MSH4: variants seen among roughly 807,000 people sequenced by gnomAD.
MSH4 encodes the protein mutS homolog 4, also known as mutS protein homolog 4.
Under a neutral mutation model 113.7 loss-of-function variants are expected in MSH4, and 106 were observed. That is an observed-to-expected ratio of 0.93 (90% CI 0.80 to 1.10). The LOEUF is 1.10. MSH4 is among the 50% of genes least tolerant of loss of function. MSH4 has a pLI of 0.00. For missense variants in MSH4, 1,061 were observed against 1,093.7 expected (o/e 0.97, Z 0.42); for synonymous variants, 368 against 380.2 (o/e 0.97, Z 0.37).
chr1:75,905,157 T>A (rs576541386), intron 19 of MSH4, among the ~76,000 whole-genome samples: 132 of 151,900 alleles, frequency 8.7e-4, no homozygotes, highest in African/African-American at 3.0e-3. Context: ...TGTTTTTTTT[T>A]AAATGTTTCT....
chr1:75,797,659 C>T (rs1001312310), intron 1 of MSH4, among the ~76,000 whole-genome samples: 10 of 152,104 alleles, frequency 6.6e-5, no homozygotes, highest in African/African-American at 1.9e-4. Flanking sequence ...GTGGGCTGGG[C>T]GGTGGCTGAC....
chr1:75,858,160 T>G (rs1323429144), intron 8 of MSH4, among the ~76,000 whole-genome samples: 1 of 152,222 alleles, frequency 6.6e-6, no homozygotes. Flanking sequence ...TTAAGAAGAT[T>G]TTGAGCTGAG....
chr1:75,837,245 G>A (rs976807431), intron 7 of MSH4, among the ~76,000 whole-genome samples: 2 of 152,158 alleles, frequency 1.3e-5, no homozygotes, highest in Admixed American at 1.3e-4. Context: ...ACCGGACACT[G>A]AATCTGCCCA....
intron 3 of MSH4, 116 bp downstream of exon 3, chr1:75,807,257 G>T: frequency 1.4e-6 from 1 of 729,158 alleles, no homozygotes; most frequent in Non-Finnish European, 2.0e-6. Context: ...TCATTATTAT[G>T]TCAATGTAAA....
At chr1:75,811,871 C>T (rs982309790) in intron 4 of MSH4, among the ~76,000 whole-genome samples, 7 of 152,214 alleles carry the variant, frequency 4.6e-5, no homozygotes, top group African/African-American at 1.7e-4. Context: ...CATCTGCAGT[C>T]ATATAAGATT....
intron 19 of MSH4, among the ~76,000 whole-genome samples, chr1:75,905,470 T>C (rs1293454004): frequency 6.6e-6 from 1 of 152,132 alleles, no homozygotes; most frequent in East Asian, 1.9e-4. Context: ...GCCTAATGTA[T>C]TGTTTATCCT....
chr1:75,797,584 A>G (rs942810275), intron 1 of MSH4, among the ~76,000 whole-genome samples: 26 of 152,358 alleles, frequency 1.7e-4, no homozygotes, highest in African/African-American at 6.3e-4. Context: ...CTAAGGTGGG[A>G]TAAAATAGAT....
intron 2 of MSH4, among the ~76,000 whole-genome samples, chr1:75,805,693 A>T (rs937744681): frequency 1.3e-5 from 2 of 151,952 alleles, no homozygotes; most frequent in African/African-American, 4.8e-5. Flanking sequence ...GGCCAAAATT[A>T]CCAGTTTTTA....
chr1:75,907,689 CATATATATATATA>C (rs1652694766), intron 19 of MSH4, among the ~76,000 whole-genome samples: 5 of 78,622 alleles, frequency 6.4e-5, no homozygotes, highest in Admixed American at 6.1e-4. Context: ...TCTCTCTATA[CATATATATATATA>C]TATATATATA....
chr1:75,866,529 T>C (rs1271435832), intron 8 of MSH4, among the ~76,000 whole-genome samples: 1 of 152,222 alleles, frequency 6.6e-6, no homozygotes, highest in Non-Finnish European at 1.5e-5. Context: ...TATTTATTTT[T>C]AATCTTCCAG....
chr1:75,832,585 C>T (rs1162384414), intron 7 of MSH4, among the ~76,000 whole-genome samples: 1 of 152,174 alleles, frequency 6.6e-6, no homozygotes, highest in Non-Finnish European at 1.5e-5. Context: ...AGCTTATCCA[C>T]CACGATCAAG....
chr1:75,858,456 T>C (rs1189283770), intron 8 of MSH4, among the ~76,000 whole-genome samples: 1 of 152,208 alleles, frequency 6.6e-6, no homozygotes, highest in Non-Finnish European at 1.5e-5. Flanking sequence ...ACCCACTTTA[T>C]TGAGAGTTTT....
intron 7 of MSH4, among the ~76,000 whole-genome samples, chr1:75,833,418 A>C (rs932301528): frequency 1.3e-5 from 2 of 152,240 alleles, no homozygotes; most frequent in African/African-American, 4.8e-5. Context: ...CTTTCTTCAC[A>C]GAATTGGAAA....
At chr1:75,799,431 T>C (rs1649889441) in intron 1 of MSH4, among the ~76,000 whole-genome samples, 2 of 152,192 alleles carry the variant, frequency 1.3e-5, no homozygotes, top group Admixed American at 6.5e-5. Flanking sequence ...CAAATACACA[T>C]TTAAGAAATA....
rs757262974 is a variant in MSH4, at chr1:75,876,960, C to T, written c.1330C>T (p.Pro444Ser). 2.8e-5 allele frequency: 44 copies of T among 1,562,276 alleles called. No individual in the cohort carries two copies. The East Asian group carries it at 9.4e-4, about 33-fold the overall frequency. The change falls in exon 10 of 20, where the codon CCT becomes TCT. Residue 444 changes from proline to serine, a missense_variant. Coordinates refer to ENST00000263187, the MANE Select transcript of MSH4 (RefSeq NM_002440.4). ...GATTGCTATGAAGAACTGTAACACA[C>T]CTTTATTAAGAGCTTACTATGGTTC... ...LKIAMKNCNT[P>S]LLRAYYGSLE...
At chr1:75,874,812 T>C (rs116244830) in intron 9 of MSH4, among the ~76,000 whole-genome samples, 30 of 152,310 alleles carry the variant, frequency 2.0e-4, no homozygotes, top group African/African-American at 7.0e-4. Context: ...GAAAAAATTA[T>C]GTCTGACATC....
chr1:75,810,395 G>C (rs570512162), intron 3 of MSH4, among the ~76,000 whole-genome samples: 1 of 147,480 alleles, frequency 6.8e-6, no homozygotes, highest in Non-Finnish European at 1.5e-5. Context: ...GCACCACCAT[G>C]CTCGGGTAAT....
chr1:75,903,878 T>C (rs1652562950), intron 19 of MSH4, among the ~76,000 whole-genome samples: 1 of 152,142 alleles, frequency 6.6e-6, no homozygotes, highest in South Asian at 2.1e-4. Flanking sequence ...GCTTAATTGC[T>C]CTGGCTAGGA....
At chr1:75,811,106 A>G (rs1650181622) in intron 4 of MSH4, among the ~76,000 whole-genome samples, 1 of 152,134 alleles carries the variant, frequency 6.6e-6, no homozygotes, top group Admixed American at 6.6e-5. Context: ...TCCTGACCTC[A>G]AGTGATCGAT....
Sources: allele counts gnomAD v4.1 joint callset (sites outside exome capture counted in the v4.1 genomes callset), GRCh38; gene constraint gnomAD v4.1.1; transcripts MANE v1.5; gene names NCBI Gene and HGNC (gene_info 2026-07-23, HGNC 2026-07-21).